SHISA9: variants seen among roughly 807,000 people sequenced by gnomAD.
SHISA9 encodes protein shisa-9.
SHISA9 carries 13 observed loss-of-function variants against 38.0 expected under a neutral mutation model. The ratio of observed to expected loss-of-function variants is 0.34; its 90% CI spans 0.22 to 0.54. The LOEUF (loss-of-function observed/expected upper bound fraction) is 0.54, where lower values mean the gene tolerates loss of function less well. Ranked by LOEUF, SHISA9 falls within the 20% of genes least tolerant of loss-of-function variation. The pLI is 0.91. For synonymous variants in SHISA9, 275 were observed against 242.0 expected (o/e 1.14, Z -1.27); for missense variants, 538 against 575.8 (o/e 0.93, Z 0.67).
intron 2 of SHISA9, among the ~76,000 whole-genome samples, chr16:13,092,985 A>G (rs117332505): frequency 1.3e-5 from 2 of 152,200 alleles, no homozygotes; most frequent in African/African-American, 2.4e-5. Flanking sequence ...ACTTTTAAAC[A>G]TTATATGACC....
intron 2 of SHISA9, among the ~76,000 whole-genome samples, chr16:13,128,233 A>G (rs2050278010): frequency 6.6e-6 from 1 of 152,132 alleles, no homozygotes; most frequent in Non-Finnish European, 1.5e-5. Context: ...AAAGGAAGGG[A>G]AGAGAAGACA....
the SHISA9 span, among the ~76,000 whole-genome samples, chr16:13,555,211 G>A: frequency 6.6e-6 from 1 of 152,146 alleles, no homozygotes; most frequent in Admixed American, 6.5e-5. Flanking sequence ...TACAGTGCTT[G>A]GTTATCATAA....
chr16:13,551,123 C>T, the SHISA9 span, among the ~76,000 whole-genome samples: 2 of 130,850 alleles, frequency 1.5e-5, no homozygotes, highest in African/African-American at 3.2e-5. Flanking sequence ...GACTCCATCT[C>T]GAAAAAAAAA....
chr16:12,979,247 C>T (rs149164549), intron 2 of SHISA9, among the ~76,000 whole-genome samples: 55 of 152,064 alleles, frequency 3.6e-4, no homozygotes, highest in Middle Eastern at 3.4e-3. Context: ...ATGATTAATT[C>T]CAGAAACATT....
At chr16:13,191,269 C>T (rs557515911) in intron 2 of SHISA9, among the ~76,000 whole-genome samples, 1 of 152,282 alleles carries the variant, frequency 6.6e-6, no homozygotes, top group South Asian at 2.1e-4. Context: ...GCAATTGGCC[C>T]CAGCAGGGAC....
the SHISA9 span, among the ~76,000 whole-genome samples, chr16:13,318,684 G>A: frequency 6.6e-6 from 1 of 152,140 alleles, no homozygotes. Flanking sequence ...CCACTGTGGT[G>A]GATCAACATA....
intron 2 of SHISA9, among the ~76,000 whole-genome samples, chr16:13,049,142 C>T (rs1397846986): frequency 6.7e-6 from 1 of 148,266 alleles, no homozygotes. Context: ...CCATTCTAAG[C>T]TTTGGTTAGG....
intron 2 of SHISA9, among the ~76,000 whole-genome samples, chr16:13,120,729 A>G (rs1245911758): frequency 6.6e-6 from 1 of 152,162 alleles, no homozygotes; most frequent in African/African-American, 2.4e-5. Context: ...TAGAGGAAGA[A>G]TGCGTAGAGG....
At chr16:13,240,560 G>T (rs997100696), downstream of SHISA9, 7 of 152,302 alleles carry the variant, frequency 4.6e-5, no homozygotes, top group Admixed American at 2.0e-4. Context: ...GCAATTTCTA[G>T]TTAACAGCAA....
chr16:13,110,913 T>C (rs4781414), intron 2 of SHISA9, among the ~76,000 whole-genome samples: 3 of 152,134 alleles, frequency 2.0e-5, no homozygotes, highest in Non-Finnish European at 2.9e-5. Context: ...AAATATTTAG[T>C]ACGTGGCTTC....
chr16:13,415,045 C>T, the SHISA9 span, among the ~76,000 whole-genome samples: 5 of 152,146 alleles, frequency 3.3e-5, no homozygotes, highest in Non-Finnish European at 7.3e-5. Context: ...GAACACAATT[C>T]GAACTGTTGG....
At chr16:13,445,944 G>T in the SHISA9 span, among the ~76,000 whole-genome samples, 1 of 152,032 alleles carries the variant, frequency 6.6e-6, no homozygotes, top group Non-Finnish European at 1.5e-5. Context: ...ATATTGCCTA[G>T]TACTTTTTTT....
chr16:13,454,876 G>A, the SHISA9 span, among the ~76,000 whole-genome samples: 3 of 152,126 alleles, frequency 2.0e-5, no homozygotes, highest in Non-Finnish European at 4.4e-5. Context: ...AAACTCATTA[G>A]CGGAGGGAAG....
At chr16:13,143,116 C>G (rs1265381208) in intron 2 of SHISA9, among the ~76,000 whole-genome samples, 1 of 151,930 alleles carries the variant, frequency 6.6e-6, no homozygotes, top group Non-Finnish European at 1.5e-5. Context: ...AAGCAATTCT[C>G]CTGCCTCAGG....
intron 2 of SHISA9, among the ~76,000 whole-genome samples, chr16:12,928,093 C>G (rs906704372): frequency 6.6e-6 from 1 of 152,106 alleles, no homozygotes; most frequent in Non-Finnish European, 1.5e-5. Flanking sequence ...AAGTAGTTCT[C>G]AAAATAAAAG....
intron 2 of SHISA9, among the ~76,000 whole-genome samples, chr16:13,120,693 C>T (rs1424425596): frequency 6.6e-6 from 1 of 152,010 alleles, no homozygotes; most frequent in Admixed American, 6.6e-5. Context: ...CCCAGGATGC[C>T]CCGAGCTGTG....
chr16:12,922,289 T>C (rs1300056229), intron 2 of SHISA9, among the ~76,000 whole-genome samples: 1 of 152,266 alleles, frequency 6.6e-6, no homozygotes. Context: ...AGTTACTACA[T>C]GGTTTGAATA....
chr16:13,141,646 A>G (rs948431010), intron 2 of SHISA9, among the ~76,000 whole-genome samples: 1 of 152,078 alleles, frequency 6.6e-6, no homozygotes, highest in Non-Finnish European at 1.5e-5. Context: ...TCACGCCACT[A>G]TACTCCAGCC....
chr16:13,053,576 C>T (rs922938006), intron 2 of SHISA9, among the ~76,000 whole-genome samples: 2 of 152,158 alleles, frequency 1.3e-5, no homozygotes, highest in Non-Finnish European at 2.9e-5. Flanking sequence ...TGGACTCTAC[C>T]CCATCACCTA....
Sources: gnomAD v4.1 joint callset for allele counts (sites outside exome capture counted in the v4.1 genomes callset) on GRCh38, gnomAD v4.1.1 for gene constraint, MANE v1.5 for transcripts, NCBI Gene and HGNC (gene_info 2026-07-23, HGNC 2026-07-21) for gene names.